SAMD4A: variants seen among roughly 807,000 people sequenced by gnomAD.
SAMD4A encodes the protein sterile alpha motif domain containing 4A.
A neutral mutation model predicts 81.3 loss-of-function variants in SAMD4A; 33 were observed. The observed-to-expected ratio is 0.41, with a 90% CI of 0.31 to 0.54. SAMD4A has a LOEUF of 0.54. Among genes scored for constraint, SAMD4A ranks in the 20% least tolerant of loss-of-function variants. SAMD4A has a pLI of 0.37. For synonymous variants in SAMD4A, 389 were observed against 382.1 expected, an observed-to-expected ratio of 1.02 and a Z score of -0.21; for missense variants, 854 against 951.1, an observed-to-expected ratio of 0.90 and a Z score of 1.34.
intron 5 of SAMD4A, 52 bp from the exon 6 acceptor site, chr14:54,751,399 A>T: frequency 8.2e-7 from 1 of 1,218,782 alleles, no homozygotes; most frequent in Non-Finnish European, 1.2e-6. Context: ...GCTGATTCTT[A>T]AAAATATGTT....
At chr14:54,754,728 T>C in intron 6 of SAMD4A, 1 of 570,122 alleles carries the variant, frequency 1.8e-6, no homozygotes, top group Non-Finnish European at 2.2e-6. Context: ...GCCTCCCATA[T>C]TCTTACCTCA....
In SAMD4A at chr14:54,567,614, T is replaced by G; in HGVS notation, c.-303T>G. 2.6e-6 allele frequency: 1 copy of G among 383,242 alleles called. No homozygotes were observed. The allele number at this position is 383,242 out of a possible 1,614,324, so 23.7% of individuals were successfully genotyped here. A position where few individuals can be genotyped will look rare whatever the true frequency, so the allele number is the denominator to read the frequency against. On this transcript the variant is annotated 5_prime_UTR_variant, in exon 2 of 13. In the 5' UTR this introduces an upstream ATG that the reference lacks. Transcript: ENST00000554335. Reference sequence around the variant, plus strand: ...GCTGCAAGAAGGGGGGAGAAAGCATTCTTCATTCAGTTGTGTGCCTTGTGG... The same window carrying G: ...GCTGCAAGAAGGGGGGAGAAAGCATGCTTCATTCAGTTGTGTGCCTTGTGG...
chr14:54,576,375 ACTGT>A (rs1480639936), intron 2 of SAMD4A, among the ~76,000 whole-genome samples: 2 of 152,158 alleles, frequency 1.3e-5, no homozygotes, highest in African/African-American at 4.8e-5. Context: ...GGAGAAACAA[ACTGT>A]CTGACTTCAG....
intron 2 of SAMD4A, chr14:54,681,693 A>T (rs1384847482): frequency 3.0e-6 from 2 of 666,302 alleles, no homozygotes; most frequent in Non-Finnish European, 3.7e-6. Context: ...TGGCCTCCTA[A>T]AGTACTGGGA....
chr14:54,703,458 C>T (rs181836181), intron 3 of SAMD4A: 5 of 152,250 alleles, frequency 3.3e-5, no homozygotes, highest in Non-Finnish European at 5.9e-5. Context: ...CTAGTTTGCA[C>T]CTGTCCATGA....
intron 2 of SAMD4A, 88 bp downstream of exon 2, chr14:54,568,200 A>T: frequency 8.5e-7 from 1 of 1,180,466 alleles, no homozygotes; most frequent in Non-Finnish European, 1.1e-6. Context: ...GGCCGAGGCC[A>T]GTCCCTGCCA....
chr14:54,695,770 T>C (rs1441089729), intron 2 of SAMD4A, among the ~76,000 whole-genome samples: 1 of 151,972 alleles, frequency 6.6e-6, no homozygotes, highest in Non-Finnish European at 1.5e-5. Flanking sequence ...CTAGCCAACA[T>C]GGTGAAACCC....
chr14:54,760,871 A>G (rs2038379339), intron 7 of SAMD4A, among the ~76,000 whole-genome samples: 1 of 152,172 alleles, frequency 6.6e-6, no homozygotes, highest in South Asian at 2.1e-4. Context: ...CTCTCTCCAA[A>G]GCAAAAGCGG....
intron 2 of SAMD4A, among the ~76,000 whole-genome samples, chr14:54,595,708 A>G (rs528386232): frequency 1.3e-5 from 2 of 152,268 alleles, no homozygotes; most frequent in African/African-American, 4.8e-5. Context: ...TCAATATAAC[A>G]TATTTAAGTG....
rs115001980 is a variant in SAMD4A at position 54,667,466 on chromosome 14, C to G, written c.197-34596C>G. 5.0e-3 allele frequency among the ~76,000 whole-genome samples: 763 copies of G among 152,246 alleles called. 9 individuals carry two copies. Among genetic ancestry groups the G allele is most frequent in the African/African-American group, 0.018 (732 of 41,534 alleles). On this transcript the variant is annotated intron_variant, in intron 2 of 12. Coordinates refer to ENST00000554335, the MANE Select transcript of SAMD4A (RefSeq NM_015589.6). ...AGGGAAGGCATTGGCTTTGCTCTGT[C>G]CTGTGTCTGTGCCTTTGTTACACAT...
chr14:54,750,985 G>C (rs1566618816), intron 5 of SAMD4A, among the ~76,000 whole-genome samples: 1 of 152,344 alleles, frequency 6.6e-6, no homozygotes, highest in South Asian at 2.1e-4. Flanking sequence ...AAGATGGCTG[G>C]GTGCGGTGGC....
At chr14:54,725,829 A>C (rs1284647860) in intron 3 of SAMD4A, among the ~76,000 whole-genome samples, 2 of 152,206 alleles carry the variant, frequency 1.3e-5, no homozygotes, top group Non-Finnish European at 2.9e-5. Flanking sequence ...ATGACTTCCA[A>C]CTCAAATCCC....
In SAMD4A at chr14:54,793,284, G is replaced by A. The variant is rs2039290038; in HGVS notation, c.*4340G>A. On this transcript the variant is annotated 3_prime_UTR_variant, in exon 13 of 13. Coordinates refer to ENST00000554335, the MANE Select transcript of SAMD4A (RefSeq NM_015589.6). The stretch of plus-strand genomic sequence containing the variant: ...TATCAACGTTATATTGAAAGTGAAG[G>A]GAAATGATTAATACAAGGTTTTGTA... 1 of 151,928 alleles carries A rather than the reference G, an allele frequency of 6.6e-6. No homozygotes were observed. Among genetic ancestry groups the A allele is most frequent in the African/African-American group, 2.4e-5 (1 of 41,348 alleles). The allele number at this position is 151,928 out of a possible 1,614,324, so 9.4% of individuals were successfully genotyped here.
In SAMD4A at chr14:54,760,387, G is replaced by T. The variant is rs1292212914; in HGVS notation, c.1403G>T (p.Ser468Ile). Residue 468 changes from serine (S) to isoleucine (I), a missense_variant, in exon 7 of 13, where the codon AGC becomes ATC. Transcript: ENST00000554335. ...GATATPSAGA[S>I]GGLQPHQLSS... is the part of the protein sequence containing the mutation. Reference sequence around the variant, plus strand: ...ACGGCCACCCCCTCGGCCGGGGCCAGCGGGGGGCTCCAGCCGCACCAGCTG... The same window carrying T: ...ACGGCCACCCCCTCGGCCGGGGCCATCGGGGGGCTCCAGCCGCACCAGCTG... 9 of 1,510,740 alleles carry T rather than the reference G, an allele frequency of 6.0e-6. No homozygotes were observed. Among genetic ancestry groups the T allele is most frequent in the Non-Finnish European group, 7.9e-6 (9 of 1,141,426 alleles). 93.6% of individuals were successfully genotyped at this position (1,510,740 alleles called of 1,614,324 possible). A position where few individuals can be genotyped will look rare whatever the true frequency, so the allele number is the denominator to read the frequency against.
chr14:54,662,611 C>T (rs1049223041), intron 2 of SAMD4A, among the ~76,000 whole-genome samples: 1 of 151,870 alleles, frequency 6.6e-6, no homozygotes, highest in African/African-American at 2.4e-5. Context: ...GACAGGGTTT[C>T]ACCATGTTGA....
intron 2 of SAMD4A, among the ~76,000 whole-genome samples, chr14:54,602,323 TACACACACAC>T (rs3049830): frequency 0.15 from 20,104 of 136,358 alleles, 1,644 homozygotes; most frequent in South Asian, 0.19. Flanking sequence ...TGCTTTAAAA[TACACACACAC>T]ACACACACAC....
rs2038053207 is a variant in SAMD4A, at chr14:54,749,663, G to A, written c.1089+739G>A. 2.6e-5 allele frequency among the ~76,000 whole-genome samples: 4 copies of A among 152,192 alleles called. No individual in the cohort carries two copies. The South Asian group carries it at 8.3e-4, about 32-fold the overall frequency. The stretch of plus-strand genomic sequence containing the variant: ...CCAAAGGCCAGTCAACAGAACCCCT[G>A]AAACTAAGCATGTTTCCTACCACGC... On this transcript the variant is annotated intron_variant, in intron 5 of 12. Coordinates refer to ENST00000554335, the MANE Select transcript of SAMD4A (RefSeq NM_015589.6).
At chr14:54,627,676 A>G (rs749842455) in intron 2 of SAMD4A, among the ~76,000 whole-genome samples, 2 of 152,174 alleles carry the variant, frequency 1.3e-5, no homozygotes, top group African/African-American at 2.4e-5. Context: ...AGTTTTTTAC[A>G]TCCTTCCTTG....
At chr14:54,669,612 C>G (rs1347418801) in intron 2 of SAMD4A, among the ~76,000 whole-genome samples, 1 of 152,010 alleles carries the variant, frequency 6.6e-6, no homozygotes, top group Non-Finnish European at 1.5e-5. Context: ...GCGTGCACCA[C>G]TACGCCCGGC....
Sources: allele counts gnomAD v4.1 joint callset (sites outside exome capture counted in the v4.1 genomes callset), GRCh38; gene constraint gnomAD v4.1.1; transcripts MANE v1.5; gene names NCBI Gene and HGNC (gene_info 2026-07-23, HGNC 2026-07-21).